The following PDZRN4 variants were observed in gnomAD, a reference collection of about 807,000 sequenced individuals.
PDZRN4 encodes the protein PDZ domain-containing RING finger protein 4.
A neutral mutation model predicts 99.0 loss-of-function variants in PDZRN4; 70 were observed. The observed-to-expected ratio is 0.71, with a 90% CI of 0.58 to 0.86. The LOEUF (loss-of-function observed/expected upper bound fraction) is 0.86, where lower values mean the gene tolerates loss of function less well. Ranked by LOEUF, PDZRN4 falls within the 40% of genes least tolerant of loss-of-function variation. PDZRN4 has a pLI of 0.00. For synonymous variants in PDZRN4, 551 were observed against 501.6 expected (o/e 1.10, Z -1.32); for missense variants, 1,474 against 1,331.2 (o/e 1.11, Z -1.67).
chr12:41,343,701 T>C (rs1223906238), intron 3 of PDZRN4, among the ~76,000 whole-genome samples: 1 of 145,064 alleles, frequency 6.9e-6, no homozygotes, highest in Non-Finnish European at 1.5e-5. Flanking sequence ...TCAGTAAGTA[T>C]TGTATATTAC....
intron 3 of PDZRN4, among the ~76,000 whole-genome samples, chr12:41,450,895 C>G (rs1294358746): frequency 6.6e-6 from 1 of 151,930 alleles, no homozygotes; most frequent in Non-Finnish European, 1.5e-5. Context: ...GCCACTGCAC[C>G]CCTGCCTGTG....
intron 5 of PDZRN4, among the ~76,000 whole-genome samples, chr12:41,543,261 T>C (rs1361736623): frequency 1.3e-5 from 2 of 152,176 alleles, no homozygotes; most frequent in Non-Finnish European, 2.9e-5. Flanking sequence ...CTATAGACAA[T>C]GATCTCTTAA....
intron 1 of PDZRN4, among the ~76,000 whole-genome samples, chr12:41,189,427 C>G (rs1950721116): frequency 6.6e-6 from 1 of 152,146 alleles, no homozygotes; most frequent in South Asian, 2.1e-4. Flanking sequence ...TCCTGCCCAC[C>G]GTCTCTGCCT....
At chr12:41,432,244 A>G (rs1833232727) in intron 3 of PDZRN4, among the ~76,000 whole-genome samples, 1 of 152,242 alleles carries the variant, frequency 6.6e-6, no homozygotes, top group South Asian at 2.1e-4. Flanking sequence ...ACTCATTTAT[A>G]TACCTGTCAC....
At chr12:41,565,698 C>T (rs1282879369) in intron 8 of PDZRN4, among the ~76,000 whole-genome samples, 1 of 151,956 alleles carries the variant, frequency 6.6e-6, no homozygotes, top group Middle Eastern at 3.2e-3. Context: ...ACTCATTTTC[C>T]TCATTTCCTG....
chr12:41,297,609 G>C (rs1203138830), intron 3 of PDZRN4, among the ~76,000 whole-genome samples: 1 of 152,132 alleles, frequency 6.6e-6, no homozygotes, highest in African/African-American at 2.4e-5. Flanking sequence ...ATTGAAAAAT[G>C]GTTCGTTAAG....
At chr12:41,311,131 G>A (rs1041761225) in intron 3 of PDZRN4, among the ~76,000 whole-genome samples, 6 of 152,072 alleles carry the variant, frequency 3.9e-5, no homozygotes, top group African/African-American at 1.2e-4. Flanking sequence ...AATTTAGGAC[G>A]TTATATAATT....
At chr12:41,468,311 A>T (rs1352016579) in intron 3 of PDZRN4, among the ~76,000 whole-genome samples, 1 of 152,090 alleles carries the variant, frequency 6.6e-6, no homozygotes, top group African/African-American at 2.4e-5. Flanking sequence ...ATTTAGAAAA[A>T]TCTCCCACAC....
intron 3 of PDZRN4, among the ~76,000 whole-genome samples, chr12:41,401,698 C>G (rs973074740): frequency 6.6e-6 from 1 of 152,044 alleles, no homozygotes; most frequent in Non-Finnish European, 1.5e-5. Context: ...TCTAGCCTCT[C>G]TGGTATTGGC....
At chr12:41,533,120 T>A (rs1291067872) in intron 5 of PDZRN4, among the ~76,000 whole-genome samples, 1 of 152,128 alleles carries the variant, frequency 6.6e-6, no homozygotes, top group Non-Finnish European at 1.5e-5. Context: ...GATCATGAAT[T>A]GAGGTACATC....
intron 3 of PDZRN4, among the ~76,000 whole-genome samples, chr12:41,351,980 A>AAAATAAATAAATAAATAAATAAAT (rs138301663): frequency 0.017 from 2,431 of 143,000 alleles, 34 homozygotes; most frequent in African/African-American, 0.04. Context: ...CCATTGTCTC[A>AAAATAAATAAATAAATAAATAAAT]AAATAAATAA....
intron 3 of PDZRN4, among the ~76,000 whole-genome samples, chr12:41,240,585 TA>T (rs1951095565): frequency 6.6e-6 from 1 of 152,204 alleles, no homozygotes; most frequent in Non-Finnish European, 1.5e-5. Flanking sequence ...CAAGCTGCTA[TA>T]ACAAAGTACC....
intron 3 of PDZRN4, among the ~76,000 whole-genome samples, chr12:41,397,871 G>T (rs908494921): frequency 6.6e-6 from 1 of 151,866 alleles, no homozygotes; most frequent in South Asian, 2.1e-4. Context: ...ATCCTTTGAG[G>T]CTGTGTCTTA....
chr12:41,432,162 C>G (rs570005863), intron 3 of PDZRN4, among the ~76,000 whole-genome samples: 1 of 152,054 alleles, frequency 6.6e-6, no homozygotes, highest in African/African-American at 2.4e-5. Flanking sequence ...TAGAGCAGAA[C>G]GTGAATTTAA....
intron 3 of PDZRN4, among the ~76,000 whole-genome samples, chr12:41,283,934 CT>C (rs755946096): frequency 6.6e-6 from 1 of 152,182 alleles, no homozygotes; most frequent in Non-Finnish European, 1.5e-5. Flanking sequence ...GAAGCATTCC[CT>C]TTGAAAACTG....
rs557851808 is a variant in PDZRN4, at chr12:41,358,781, A to G, written c.844-147675A>G. Among the ~76,000 whole-genome samples the G allele has an allele frequency of 2.0e-5, 3 of 152,070 alleles. No homozygotes were observed. In the East Asian group the frequency reaches 5.8e-4, roughly 30 times the overall value. The stretch of plus-strand genomic sequence containing the variant: ...TTTTGTTTATACACTTTCATCTTCC[A>G]GTTGCTTGAGTGATTTGCATGCTCA... On this transcript the variant is annotated intron_variant, in intron 3 of 9. Transcript: ENST00000402685.
intron 3 of PDZRN4, among the ~76,000 whole-genome samples, chr12:41,269,495 A>G (rs544564724): frequency 1.2e-3 from 187 of 152,138 alleles, no homozygotes; most frequent in Non-Finnish European, 2.0e-3. Flanking sequence ...AATTACAAGG[A>G]AAAAAAAGGG....
At chr12:41,236,298 T>A (rs1951066320) in intron 3 of PDZRN4, among the ~76,000 whole-genome samples, 2 of 152,180 alleles carry the variant, frequency 1.3e-5, no homozygotes, top group South Asian at 4.2e-4. Flanking sequence ...TTGAAGGAAG[T>A]GGCATTTCAG....
At chr12:41,214,430 T>TAAAAAAAAAAAAAAAAAAAAAAA (rs536246838) in intron 3 of PDZRN4, among the ~76,000 whole-genome samples, 839 of 33,680 alleles carry the variant, frequency 0.025, 126 homozygotes, top group Non-Finnish European at 0.041. Flanking sequence ...CCCTGTCCCC[T>TAAAAAAAAAAAAAAAAAAAAAAA]AAAAAAAAAA....
Sources: gnomAD v4.1 joint callset for allele counts (sites outside exome capture counted in the v4.1 genomes callset) on GRCh38, gnomAD v4.1.1 for gene constraint, MANE v1.5 for transcripts, NCBI Gene and HGNC (gene_info 2026-07-23, HGNC 2026-07-21) for gene names.